Variants in C14orf39 observed in about 807,000 individuals in gnomAD.
C14orf39 encodes chromosome 14 open reading frame 39, also known as protein SIX6OS1.
In C14orf39, 66 loss-of-function variants were observed where a neutral mutation model predicts 85.6. The observed-to-expected ratio is 0.77, with a 90% CI of 0.63 to 0.95. C14orf39 has a LOEUF of 0.95. C14orf39 is among the 40% of genes least tolerant of loss of function. C14orf39 has a pLI of 0.00. For synonymous variants in C14orf39, 242 were observed against 214.0 expected, an observed-to-expected ratio of 1.13 and a Z score of -1.14; for missense variants, 735 against 663.9, an observed-to-expected ratio of 1.11 and a Z score of -1.18.
In C14orf39 at chr14:60,451,389, C is replaced by T. The variant is rs769805556; in HGVS notation, c.1503+3612G>A. 5.3e-5 allele frequency among the ~76,000 whole-genome samples: 8 copies of T among 152,042 alleles called. No homozygotes were observed. In the South Asian group the frequency reaches 6.2e-4, roughly 12 times the overall value. ...ATGCTACTATAAAGACACATGCACA[C>T]GTATGTTTATTGCGGCACTATTCAC... On this transcript the variant is annotated intron_variant, in intron 16 of 17. Coordinates refer to ENST00000321731, the MANE Select transcript of C14orf39 (RefSeq NM_174978.3).
At chr14:60,469,870 A>AAAAC (rs1891986643) in intron 7 of C14orf39, among the ~76,000 whole-genome samples, 2 of 151,518 alleles carry the variant, frequency 1.3e-5, no homozygotes, top group South Asian at 4.1e-4. Flanking sequence ...TGAGCTTAAA[A>AAAAC]AAACATTTCA....
chr14:60,514,706 C>T (rs1269999717), intron 1 of C14orf39, among the ~76,000 whole-genome samples: 1 of 152,330 alleles, frequency 6.6e-6, no homozygotes. Flanking sequence ...GCAAAGTCTT[C>T]CTTGACCTCG....
At chr14:60,444,156 T>G (rs1890653275) in intron 16 of C14orf39, among the ~76,000 whole-genome samples, 1 of 152,192 alleles carries the variant, frequency 6.6e-6, no homozygotes, top group Non-Finnish European at 1.5e-5. Flanking sequence ...AAAGGATTGC[T>G]GCTCCTTGCC....
At chr14:60,481,748 A>AT (rs1249587522) in intron 4 of C14orf39, among the ~76,000 whole-genome samples, 6 of 151,936 alleles carry the variant, frequency 3.9e-5, no homozygotes, top group Non-Finnish European at 7.4e-5. Flanking sequence ...AGACTTGTGT[A>AT]TTTTTTTCAT....
At chr14:60,503,557 T>C (rs557870104) in intron 1 of C14orf39, among the ~76,000 whole-genome samples, 5 of 152,320 alleles carry the variant, frequency 3.3e-5, no homozygotes, top group African/African-American at 1.2e-4. Flanking sequence ...CTGTGCAATA[T>C]GGGTAATCAT....
At chr14:60,472,145 T>A (rs1021870321) in intron 5 of C14orf39, among the ~76,000 whole-genome samples, 1 of 152,072 alleles carries the variant, frequency 6.6e-6, no homozygotes, top group Non-Finnish European at 1.5e-5. Context: ...GTCTCTACTC[T>A]CCCAAGCTCA....
intron 13 of C14orf39, among the ~76,000 whole-genome samples, chr14:60,459,657 C>T (rs1891431766): frequency 6.6e-6 from 1 of 151,788 alleles, no homozygotes; most frequent in South Asian, 2.1e-4. Flanking sequence ...TATTGTCAGA[C>T]TTTTTTAATT....
In C14orf39 at chr14:60,443,137, A is replaced by G. The variant is rs534296647; in HGVS notation, c.1504-1006T>C. 2.6e-5 allele frequency among the ~76,000 whole-genome samples: 4 copies of G among 152,132 alleles called. No individual in the cohort carries two copies. The South Asian group carries it at 8.3e-4, about 32-fold the overall frequency. ...AAGACAGGTGATCTCTGCATTTCCAACTGAGGTACCTGGTTCATCTCAATG... is the reference window on the plus strand; with the variant it reads ...AAGACAGGTGATCTCTGCATTTCCAGCTGAGGTACCTGGTTCATCTCAATG... On this transcript the variant is annotated intron_variant, in intron 16 of 17. Transcript: ENST00000321731.
At chr14:60,477,582 T>A (rs543991729) in intron 5 of C14orf39, among the ~76,000 whole-genome samples, 9 of 152,330 alleles carry the variant, frequency 5.9e-5, no homozygotes, top group African/African-American at 1.9e-4. Context: ...TCTATTAGAA[T>A]ATAACCACTC....
rs149339653 is a variant in C14orf39, at chr14:60,456,996, A to G, written c.1279T>C (p.Phe427Leu). 3.5e-3 allele frequency: 5,718 copies of G among 1,611,372 alleles called. 17 individuals carry two copies. Among genetic ancestry groups the G allele is most frequent in the Non-Finnish European group, 4.4e-3 (5,208 of 1,178,506 alleles). Reference protein sequence around the residue: ...NFPRTSEIPIFLGTPKAVKAP... With the variant: ...NFPRTSEIPILLGTPKAVKAP... ...TTCACAGCTTTGGGAGTTCCTAAAA[A>G]TATAGGAATTTCAGACGTTCGTGGA... Residue 427 changes from phenylalanine (F) to leucine (L), a missense_variant, in exon 15 of 18, where the codon TTT (phenylalanine) becomes CTT (leucine). Coordinates refer to ENST00000321731, the MANE Select transcript of C14orf39 (RefSeq NM_174978.3).
At chr14:60,454,888 T>A (rs1261102898) in intron 16 of C14orf39, 113 bp downstream of exon 16, 1 of 816,412 alleles carries the variant, frequency 1.2e-6, no homozygotes, top group Admixed American at 3.7e-5. Flanking sequence ...AGAATTTTTT[T>A]AAATGCTTCT....
chr14:60,454,824 T>C (rs1891194892), intron 16 of C14orf39, among the ~76,000 whole-genome samples, 177 bp downstream of exon 16: 1 of 152,048 alleles, frequency 6.6e-6, no homozygotes, highest in Non-Finnish European at 1.5e-5. Context: ...ATATGAGGCA[T>C]TCAAAGTTGA....
Position 60,505,464 on chromosome 14 carries a change from G to C in C14orf39, c.-143-6034C>G, listed in dbSNP as rs572682505. On this transcript the variant is annotated intron_variant, in intron 1 of 5. Transcript: ENST00000556799. ...GAAAAATGCCTTTTAAAACTTTCTAGATTATTTTATACTTTTTTAGAAGTA... is the reference window on the plus strand; with the variant it reads ...GAAAAATGCCTTTTAAAACTTTCTACATTATTTTATACTTTTTTAGAAGTA... Among the ~76,000 whole-genome samples the C allele has an allele frequency of 2.0e-5, 3 of 152,214 alleles. No individual in the cohort carries two copies. In the East Asian group the frequency reaches 5.8e-4, roughly 29 times the overall value.
chr14:60,451,324 C>A (rs1566659126), intron 16 of C14orf39, among the ~76,000 whole-genome samples: 1 of 152,254 alleles, frequency 6.6e-6, no homozygotes, highest in South Asian at 2.1e-4. Flanking sequence ...TTTGACCCAG[C>A]AATCCCATTA....
chr14:60,492,922 A>T (rs767849698), intron 2 of C14orf39, among the ~76,000 whole-genome samples: 18 of 152,302 alleles, frequency 1.2e-4, no homozygotes, highest in Non-Finnish European at 2.4e-4. Flanking sequence ...TCACTAACGA[A>T]ATTTTTTTTA....
Position 60,468,478 on chromosome 14 carries a change from T to C in C14orf39, c.734A>G (p.Lys245Arg). 1 of 1,598,966 alleles carries C rather than the reference T, an allele frequency of 6.3e-7. No individual in the cohort carries two copies. The highest frequency in any genetic ancestry group is 1.1e-5 in the South Asian group (1 of 88,806). The change falls in exon 9 of 18, where the codon AAA becomes AGA. Residue 245 changes from lysine to arginine, a missense_variant. Physicochemically the swap from Lys to Arg is conservative, Grantham distance 26 (BLOSUM62 2). Transcript: ENST00000321731. ...CAGTTCTTTTCTGTTTTCTGTATTT[T>C]TGTTCTTTTCTTCCAGAGTTTCTGA... is the stretch of plus-strand genomic sequence containing the variant. ...ALSETLEEKN[K>R]NTENRKELKE...
chr14:60,497,904 A>C (rs1041854038), intron 2 of C14orf39, among the ~76,000 whole-genome samples: 2 of 152,024 alleles, frequency 1.3e-5, no homozygotes, highest in African/African-American at 4.8e-5. Flanking sequence ...AAAAGAAAAA[A>C]AGAGAAAGAA....
intron 4 of C14orf39, among the ~76,000 whole-genome samples, chr14:60,482,966 C>G (rs996901717): frequency 6.6e-6 from 1 of 150,402 alleles, no homozygotes; most frequent in Non-Finnish European, 1.5e-5. Context: ...GAGTCATTAC[C>G]TATGCAGAGG....
chr14:60,503,178 A>G (rs1297846285), intron 1 of C14orf39, among the ~76,000 whole-genome samples: 1 of 152,344 alleles, frequency 6.6e-6, no homozygotes, highest in East Asian at 1.9e-4. Flanking sequence ...GCTGACTCAG[A>G]GAAGGGTCTT....
Sources: gnomAD v4.1 joint callset for allele counts (sites outside exome capture counted in the v4.1 genomes callset) on GRCh38, gnomAD v4.1.1 for gene constraint, MANE v1.5 for transcripts, NCBI Gene and HGNC (gene_info 2026-07-23, HGNC 2026-07-21) for gene names.